Variants in SNIP1 observed in about 807,000 individuals in gnomAD.
The protein encoded by SNIP1 is smad nuclear-interacting protein 1.
A neutral mutation model predicts 37.4 loss-of-function variants in SNIP1; 23 were observed. The ratio of observed to expected loss-of-function variants is 0.61; its 90% CI spans 0.44 to 0.87. SNIP1 has a LOEUF of 0.87. Among genes scored for constraint, SNIP1 ranks in the 40% least tolerant of loss-of-function variants. The pLI is 0.00. For missense variants in SNIP1, 459 were observed against 540.4 expected (o/e 0.85, Z 1.49); for synonymous variants, 174 against 200.0 (o/e 0.87, Z 1.10).
At chr1:37,551,741 T>G (rs2148117830) in intron 2 of SNIP1, among the ~76,000 whole-genome samples, 1 of 152,352 alleles carries the variant, frequency 6.6e-6, no homozygotes, top group South Asian at 2.1e-4. Context: ...AATGAATTTC[T>G]GTTGTTTAAG....
Position 37,540,003 on chromosome 1 carries a change from C to G in SNIP1, c.926+154G>C, listed in dbSNP as rs1381539695. Among the ~76,000 whole-genome samples, 1 of 152,056 alleles carries G rather than the reference C, an allele frequency of 6.6e-6. No homozygotes were observed. The highest frequency in any genetic ancestry group is 1.9e-4 in the East Asian group (1 of 5,192). ...TTTAATGTTCTTATAAATATGTAAGCAATTATTTAAAGGGCAGTTAGATTA... is the reference window on the plus strand; with the variant it reads ...TTTAATGTTCTTATAAATATGTAAGGAATTATTTAAAGGGCAGTTAGATTA... On this transcript the variant is annotated intron_variant, in intron 3 of 3. Transcript: ENST00000296215. The surrounding 1 kb of genome is among the most constrained non-coding windows in gnomAD (Gnocchi z 5.6).
In SNIP1 at chr1:37,554,169, C is replaced by A. The variant is rs1294045207; in HGVS notation, c.61G>T (p.Val21Leu). 3.1e-6 allele frequency: 5 copies of A among 1,612,744 alleles called. No individual in the cohort carries two copies. The highest frequency in any genetic ancestry group is 4.2e-6 in the Non-Finnish European group (5 of 1,179,276). The change falls in exon 1 of 4, where the codon GTG becomes TTG. Residue 21 changes from valine to leucine, a missense_variant. By Grantham distance (32) the Val-to-Leu change is conservative (BLOSUM62 1). Coordinates refer to ENST00000296215, the MANE Select transcript of SNIP1 (RefSeq NM_024700.4). ...ACCACCACCCCCGCCGGCAGCACCACGTCCCCGTCCCGGTGTCTTCGCCGG... is the reference window on the plus strand; with the variant it reads ...ACCACCACCCCCGCCGGCAGCACCAAGTCCCCGTCCCGGTGTCTTCGCCGG... Reference protein sequence around the residue: ...GSRRRHRDGDVVLPAGVVVKQ... With the variant: ...GSRRRHRDGDLVLPAGVVVKQ...
chr1:37,552,971 T>A (rs1335486543), intron 1 of SNIP1, among the ~76,000 whole-genome samples: 1 of 152,186 alleles, frequency 6.6e-6, no homozygotes, highest in Non-Finnish European at 1.5e-5. Flanking sequence ...TTAGGTAACA[T>A]AACTCTTAAT....
chr1:37,538,752 C>A (rs1437538553), intron 3 of SNIP1, among the ~76,000 whole-genome samples: 1 of 152,030 alleles, frequency 6.6e-6, no homozygotes, highest in Admixed American at 6.6e-5. Context: ...TATATTTGAG[C>A]CAGAGTTCTA....
Position 37,554,104 on chromosome 1 carries a change from G to A in SNIP1, c.126C>T (p.Ala42=), listed in dbSNP as rs1394648798. The A allele has an allele frequency of 2.9e-5, 46 of 1,611,972 alleles. No homozygotes were observed. The highest frequency in any genetic ancestry group is 3.7e-5 in the Non-Finnish European group (44 of 1,179,296). ...CACCGGAGTGGTCCGGACGGCGGTG[G>A]GCGGGAGGTGCGACTTCTGGGCTGA... ...ERLSPEVAPP[A]HRRPDHSGGS... The change falls in exon 1 of 4, where the codon GCC becomes GCT. Residue 42 remains alanine (A), a synonymous_variant. Coordinates refer to ENST00000296215, the MANE Select transcript of SNIP1 (RefSeq NM_024700.4).
chr1:37,537,569 C>T lies in SNIP1; in HGVS notation c.*179G>A. On this transcript the variant is annotated 3_prime_UTR_variant, in exon 4 of 4. Transcript: ENST00000296215. ...GGTGCCACAGAAAAAGTTTAACAAA[C>T]ATTAGTCAGTGTATTCAAATGGTAA... is the stretch of plus-strand genomic sequence containing the variant. 1 of 658,142 alleles carries T rather than the reference C, an allele frequency of 1.5e-6. No homozygotes were observed. Among genetic ancestry groups the T allele is most frequent in the South Asian group, 2.3e-5 (1 of 43,386 alleles). The allele number at this position is 658,142 out of a possible 1,614,324, so 40.8% of individuals were successfully genotyped here. A position where few individuals can be genotyped will look rare whatever the true frequency, so the allele number is the denominator to read the frequency against.
intron 2 of SNIP1, among the ~76,000 whole-genome samples, chr1:37,552,018 C>T (rs898378238): frequency 2.6e-5 from 4 of 152,150 alleles, no homozygotes; most frequent in African/African-American, 4.8e-5. Flanking sequence ...TGGCTAAATC[C>T]ATGCCATTTG....
In SNIP1 at chr1:37,540,517, T is replaced by C; in HGVS notation, c.566A>G (p.His189Arg). Residue 189 changes from histidine to arginine, a missense_variant, in exon 3 of 4, where the codon CAT becomes CGT. Physicochemically the swap from His to Arg is conservative, Grantham distance 29. Coordinates refer to ENST00000296215, the MANE Select transcript of SNIP1 (RefSeq NM_024700.4). This position sits in a 1 kb window ranked among gnomAD's most constrained non-coding sequence, Gnocchi z 5.6. ...REFYNARRRE[H>R]RQRNDVGGGG... Reference sequence around the variant, plus strand: ...ACCACCAACGTCATTCCTCTGGCGATGCTCCCGTCGCCTGGCATTATAAAA... The same window carrying C: ...ACCACCAACGTCATTCCTCTGGCGACGCTCCCGTCGCCTGGCATTATAAAA... The C allele has an allele frequency of 6.2e-7, 1 of 1,614,164 alleles. No homozygotes were observed. The highest frequency in any genetic ancestry group is 8.5e-7 in the Non-Finnish European group (1 of 1,180,010).
intron 2 of SNIP1, among the ~76,000 whole-genome samples, chr1:37,542,852 A>G (rs1234285275): frequency 6.6e-6 from 1 of 152,180 alleles, no homozygotes; most frequent in Non-Finnish European, 1.5e-5. Flanking sequence ...CCAAGGCAGG[A>G]GAACTGCTTA....
Position 37,540,475 on chromosome 1 carries a change from T to G in SNIP1, c.608A>C (p.Gln203Pro). The G allele has an allele frequency of 6.2e-7, 1 of 1,614,154 alleles. No individual in the cohort carries two copies. Among genetic ancestry groups the G allele is most frequent in the Non-Finnish European group, 8.5e-7 (1 of 1,180,018 alleles). ...GCCACCAGGCCGAGGAACCAACTCC[T>G]GAGACTCACTGCCGCCACCACCAAC... ...NDVGGGGSES[Q>P]ELVPRPGGNN... The change falls in exon 3 of 4, where the codon CAG becomes CCG. Residue 203 changes from glutamine (Q) to proline (P), a missense_variant. Physicochemically the swap from Gln to Pro is moderately conservative, Grantham distance 76. Coordinates refer to ENST00000296215, the MANE Select transcript of SNIP1 (RefSeq NM_024700.4). This position sits in a 1 kb window ranked among gnomAD's most constrained non-coding sequence, Gnocchi z 5.6.
chr1:37,548,557 G>A (rs909056794), intron 2 of SNIP1, among the ~76,000 whole-genome samples: 5 of 151,842 alleles, frequency 3.3e-5, no homozygotes, highest in African/African-American at 9.7e-5. Flanking sequence ...TGATCCACCC[G>A]CCTCGGCCTC....
chr1:37,538,333 C>A (rs1438002651), intron 3 of SNIP1, among the ~76,000 whole-genome samples: 1 of 151,742 alleles, frequency 6.6e-6, no homozygotes, highest in Non-Finnish European at 1.5e-5. Context: ...ATGGTGAAAC[C>A]CCGTCTCTAC....
At chr1:37,547,461 C>T (rs1338197748) in intron 2 of SNIP1, among the ~76,000 whole-genome samples, 5 of 152,004 alleles carry the variant, frequency 3.3e-5, no homozygotes, top group Non-Finnish European at 5.9e-5. Context: ...CAGTTGGGTA[C>T]GGTGGTTCAT....
At position 37,535,241 on chromosome 1, in the gene SNIP1, A is replaced by ATATATATATATATATATATAT. The variant is rs1643076458; in HGVS notation, c.*2506_*2507insATATATATATATATATATATA. On this transcript the variant is annotated 3_prime_UTR_variant, in exon 4 of 4. Transcript: ENST00000296215. ...ATAAAAAATAAAAATTATATATATA[A>ATATATATATATATATATATAT]ATTAGCCAGGCTTGGTGACAGGTGC... 1.4e-4 allele frequency: 2 copies of ATATATATATATATATATATAT among 14,760 alleles called. No individual in the cohort carries two copies. Among genetic ancestry groups the ATATATATATATATATATATAT allele is most frequent in the African/African-American group, 2.6e-4 (1 of 3,866 alleles). The allele number at this position is 14,760 out of a possible 1,614,324, so 0.9% of individuals were successfully genotyped here. A position where few individuals can be genotyped will look rare whatever the true frequency, so the allele number is the denominator to read the frequency against.
intron 2 of SNIP1, chr1:37,552,372 G>A (rs1375303640): frequency 2.5e-6 from 1 of 395,616 alleles, no homozygotes; most frequent in Non-Finnish European, 4.7e-6. Context: ...TTACCACTGG[G>A]AGAAACCAGG....
rs1386729055 is a variant in SNIP1 at position 37,534,554 on chromosome 1, C to T, written c.*3194G>A. On this transcript the variant is annotated 3_prime_UTR_variant, in exon 4 of 4. Coordinates refer to ENST00000296215, the MANE Select transcript of SNIP1 (RefSeq NM_024700.4). ...TGGGCTCAGAACATTATTTCACAAG[C>T]AGGTATTGCTGGCACGTTGTTTGTG... is the stretch of plus-strand genomic sequence containing the variant. 3 of 152,180 alleles carry T rather than the reference C, an allele frequency of 2.0e-5. No homozygotes were observed. The highest frequency in any genetic ancestry group is 2.0e-4 in the Admixed American group (3 of 15,256). The allele number at this position is 152,180 out of a possible 1,614,324, so 9.4% of individuals were successfully genotyped here. A position where few individuals can be genotyped will look rare whatever the true frequency, so the allele number is the denominator to read the frequency against.
At position 37,540,777 on chromosome 1, in the gene SNIP1, T is replaced by TGCAC; in HGVS notation, c.328-23_328-22insGTGC. The TGCAC allele has an allele frequency of 6.4e-7, 1 of 1,560,834 alleles. No individual in the cohort carries two copies. The highest frequency in any genetic ancestry group is 1.8e-5 in the Admixed American group (1 of 54,566). ...GCTCCTAAAATTCAAACAGATTCTGTAATTTAAACGCAGTGCACAATCTAA... is the reference window on the plus strand; with the variant it reads ...GCTCCTAAAATTCAAACAGATTCTGTGCACAATTTAAACGCAGTGCACAATCTAA... On this transcript the variant is annotated intron_variant, in intron 2 of 3. Coordinates refer to ENST00000296215, the MANE Select transcript of SNIP1 (RefSeq NM_024700.4). This position sits in a 1 kb window ranked among gnomAD's most constrained non-coding sequence, Gnocchi z 5.6.
intron 2 of SNIP1, among the ~76,000 whole-genome samples, chr1:37,548,467 C>T (rs1271144521): frequency 6.6e-6 from 1 of 151,712 alleles, no homozygotes; most frequent in Non-Finnish European, 1.5e-5. Context: ...ACGCGCCCAC[C>T]ACCACACCCA....
At chr1:37,552,851 G>GTT in intron 1 of SNIP1, 104 bp from the exon 2 acceptor site, 2 of 898,762 alleles carry the variant, frequency 2.2e-6, no homozygotes, top group Non-Finnish European at 3.7e-6. Flanking sequence ...CCGCATTTGT[G>GTT]AAGGTCTCTG....
Sources: gnomAD v4.1 joint callset for allele counts (sites outside exome capture counted in the v4.1 genomes callset) on GRCh38, gnomAD v4.1.1 for gene constraint, Gnocchi (gnomAD v3.1) non-coding constraint, MANE v1.5 for transcripts, NCBI Gene and HGNC (gene_info 2026-07-23, HGNC 2026-07-21) for gene names.